Variants in AHCTF1 observed in about 807,000 individuals in gnomAD.
AHCTF1 encodes the protein protein ELYS.
Under a neutral mutation model 248.4 loss-of-function variants are expected in AHCTF1, and 24 were observed. The ratio of observed to expected loss-of-function variants is 0.10; its 90% CI spans 0.07 to 0.14. The LOEUF (loss-of-function observed/expected upper bound fraction) is 0.14, where lower values mean the gene tolerates loss of function less well. Ranked by LOEUF, AHCTF1 falls within the 10% of genes least tolerant of loss-of-function variation. The pLI is 1.00. For missense variants in AHCTF1, 2,206 were observed against 2,636.2 expected (o/e 0.84, Z 3.57); for synonymous variants, 786 against 929.8 (o/e 0.85, Z 2.81).
At position 246,931,244 on chromosome 1, in the gene AHCTF1, G is replaced by A. The variant is rs572560433; in HGVS notation, c.-8+334C>T. 118 of 1,549,918 alleles carry A rather than the reference G, an allele frequency of 7.6e-5. No homozygotes were observed. In the African/African-American group the frequency reaches 1.2e-3, roughly 15 times the overall value. ...GAGTCCATCGCGTGGGAGAACAGTG[G>A]GAAAGGGTCGCGGCCCCGGCCGTCC... On this transcript the variant is annotated intron_variant, in intron 1 of 35. Transcript: ENST00000648844.
At chr1:246,847,785 A>T (rs960459670) in intron 33 of AHCTF1, among the ~76,000 whole-genome samples, 3 of 152,230 alleles carry the variant, frequency 2.0e-5, no homozygotes, top group Non-Finnish European at 4.4e-5. Context: ...AAAGATGACA[A>T]AAATCAGAAT....
chr1:246,924,288 T>C (rs1666778787), intron 1 of AHCTF1, among the ~76,000 whole-genome samples: 1 of 152,206 alleles, frequency 6.6e-6, no homozygotes, highest in South Asian at 2.1e-4. Flanking sequence ...AAATTAACTA[T>C]TTCTAAAAAT....
At chr1:246,876,396 C>G (rs1188377829) in intron 23 of AHCTF1, among the ~76,000 whole-genome samples, 2 of 152,156 alleles carry the variant, frequency 1.3e-5, no homozygotes, top group Admixed American at 6.5e-5. Flanking sequence ...CGCTACCAAG[C>G]CTTGATTCTT....
chr1:246,864,420 T>C, intron 26 of AHCTF1: 1 of 237,864 alleles, frequency 4.2e-6, no homozygotes, highest in East Asian at 9.2e-5. Flanking sequence ...CAAATGAAGA[T>C]GAACTGCCAA....
Position 246,916,357 on chromosome 1 carries a change from G to C in AHCTF1, c.160C>G (p.Leu54Val), listed in dbSNP as rs532177334. The change falls in exon 3 of 36, where the codon CTT becomes GTT. Residue 54 changes from leucine to valine, a missense_variant. Leu to Val is a conservative substitution (Grantham distance 32, BLOSUM62 1). This residue lies in a region of AHCTF1 where 69 missense variants were observed against 85.4 expected (regional missense o/e 0.81). Coordinates refer to ENST00000648844, the MANE Select transcript of AHCTF1 (RefSeq NM_001323342.2). ...CCTGTTATAGAGTTTACTACCTCAA[G>C]TTGTGGACCACAAGCCAAGCAAGCA... Reference protein sequence around the residue: ...GLACLACGPQLEVVNSITGER... With the variant: ...GLACLACGPQVEVVNSITGER... 5.6e-6 allele frequency: 9 copies of C among 1,600,610 alleles called. No individual in the cohort carries two copies. The East Asian group carries it at 2.0e-4, about 36-fold the overall frequency.
At chr1:246,928,046 G>A (rs972763381) in intron 1 of AHCTF1, among the ~76,000 whole-genome samples, 9 of 151,848 alleles carry the variant, frequency 5.9e-5, no homozygotes, top group South Asian at 2.1e-4. Context: ...GGCCGGGTGC[G>A]GTGGCTCACG....
At chr1:246,926,494 T>C (rs1352686165) in intron 1 of AHCTF1, among the ~76,000 whole-genome samples, 1 of 152,364 alleles carries the variant, frequency 6.6e-6, no homozygotes, top group African/African-American at 2.4e-5. Context: ...TTTGAATCTA[T>C]AGGGCAAAAT....
rs1664365660 is a variant in AHCTF1, at chr1:246,893,596, A to G, written c.1804+1063T>C. Among the ~76,000 whole-genome samples the G allele has an allele frequency of 1.3e-5, 2 of 152,242 alleles. 1 individual carries two copies. The highest frequency in any genetic ancestry group is 4.1e-4 in the South Asian group (2 of 4,834). ...ATACCTCAAGACTCAATCGAAATGAACAACAGATTAATAAAACTGTCAAGA... is the reference window on the plus strand; with the variant it reads ...ATACCTCAAGACTCAATCGAAATGAGCAACAGATTAATAAAACTGTCAAGA... On this transcript the variant is annotated intron_variant, in intron 14 of 35. Transcript: ENST00000648844.
At chr1:246,858,261 C>T (rs2103059074) in intron 29 of AHCTF1, among the ~76,000 whole-genome samples, 1 of 152,154 alleles carries the variant, frequency 6.6e-6, no homozygotes, top group East Asian at 1.9e-4. Flanking sequence ...ACCCGGCCAA[C>T]ACCTTCTTCT....
intron 11 of AHCTF1, 61 bp from the exon 12 acceptor site, chr1:246,898,397 A>G (rs1469339915): frequency 6.7e-7 from 1 of 1,483,584 alleles, no homozygotes; most frequent in Non-Finnish European, 9.2e-7. Context: ...CAAATTTAAG[A>G]TTAATTAATT....
chr1:246,918,444 A>T, intron 1 of AHCTF1, 67 bp from the exon 2 acceptor site: 1 of 1,414,998 alleles, frequency 7.1e-7, no homozygotes, highest in Non-Finnish European at 9.4e-7. Flanking sequence ...GATTATGTCC[A>T]GCCAGGAAAA....
In AHCTF1 at chr1:246,839,269, T is replaced by A. The variant is rs1659669114; in HGVS notation, c.*1537A>T. On this transcript the variant is annotated 3_prime_UTR_variant, in exon 36 of 36. Coordinates refer to ENST00000648844, the MANE Select transcript of AHCTF1 (RefSeq NM_001323342.2). ...ACTTATTAAAAACAGGTACCACACA[T>A]CTATATTCACCAAATTGCGTTGGTT... The A allele has an allele frequency of 6.6e-6, 1 of 152,172 alleles. No individual in the cohort carries two copies. Among genetic ancestry groups the A allele is most frequent in the South Asian group, 2.1e-4 (1 of 4,838 alleles). The allele number at this position is 152,172 out of a possible 1,614,324, so 9.4% of individuals were successfully genotyped here.
At chr1:246,930,233 T>C (rs1193350272) in intron 1 of AHCTF1, among the ~76,000 whole-genome samples, 2 of 152,194 alleles carry the variant, frequency 1.3e-5, no homozygotes, top group South Asian at 2.1e-4. Flanking sequence ...AACTCTCAGT[T>C]TGAGGCTGAA....
intron 3 of AHCTF1, 99 bp from the exon 4 acceptor site, chr1:246,913,511 A>G: frequency 8.7e-7 from 1 of 1,153,014 alleles, no homozygotes; most frequent in Non-Finnish European, 1.2e-6. Context: ...GTTATAATAG[A>G]TTTAAGACTA....
rs117483369 is a variant in AHCTF1 at position 246,890,483 on chromosome 1, T to C, written c.2051-424A>G. 3.8e-4 allele frequency among the ~76,000 whole-genome samples: 58 copies of C among 152,276 alleles called. 1 individual carries two copies. In the East Asian group the frequency reaches 0.011, roughly 28 times the overall value. On this transcript the variant is annotated intron_variant, in intron 16 of 35. Transcript: ENST00000648844. Reference sequence around the variant, plus strand: ...GAAGCTGAAGGCTTTGCAAGTTATATTCTAAACAAATATAGCACAAGTCAA... The same window carrying C: ...GAAGCTGAAGGCTTTGCAAGTTATACTCTAAACAAATATAGCACAAGTCAA...
chr1:246,903,654 C>G (rs1030983609), intron 7 of AHCTF1, among the ~76,000 whole-genome samples: 3 of 104,096 alleles, frequency 2.9e-5, no homozygotes, highest in Non-Finnish European at 4.0e-5. Context: ...ATGGTGAGAC[C>G]CCCCCCCCTC....
At chr1:246,879,724 A>G (rs1471356727) in intron 21 of AHCTF1, among the ~76,000 whole-genome samples, 2 of 152,098 alleles carry the variant, frequency 1.3e-5, no homozygotes, top group East Asian at 3.9e-4. Context: ...GCTACTTGCG[A>G]GACTGAGGCA....
chr1:246,888,143 T>A (rs1663959438), intron 19 of AHCTF1, 34 bp downstream of exon 19: 6 of 1,598,310 alleles, frequency 3.8e-6, no homozygotes, highest in Non-Finnish European at 5.1e-6. Flanking sequence ...ATTTTAGTAA[T>A]ACATGAAACA....
chr1:246,926,956 C>T lies in AHCTF1; in HGVS notation c.-8+4622G>A, dbSNP rs558196828. Reference sequence around the variant, plus strand: ...TTGGGAGGCTAAGGCGGGCGGATCACGAGGTCAGGAGATCGAGACCATCCT... The same window carrying T: ...TTGGGAGGCTAAGGCGGGCGGATCATGAGGTCAGGAGATCGAGACCATCCT... On this transcript the variant is annotated intron_variant, in intron 1 of 35. Transcript: ENST00000648844. Among the ~76,000 whole-genome samples, 8 of 152,058 alleles carry T rather than the reference C, an allele frequency of 5.3e-5. No homozygotes were observed. The East Asian group carries it at 5.8e-4, about 11-fold the overall frequency.
Sources: allele counts gnomAD v4.1 joint callset (sites outside exome capture counted in the v4.1 genomes callset), GRCh38; gene constraint gnomAD v4.1.1; regional missense constraint gnomAD v4.1.1; transcripts MANE v1.5; gene names NCBI Gene and HGNC (gene_info 2026-07-23, HGNC 2026-07-21).